NUP98: variants seen among roughly 807,000 people sequenced by gnomAD.
The protein encoded by NUP98 is nuclear pore complex protein Nup98-Nup96.
In NUP98, 26 loss-of-function variants were observed where a neutral mutation model predicts 191.9. The ratio of observed to expected loss-of-function variants is 0.14; its 90% CI spans 0.10 to 0.19. The LOEUF is 0.19. Among genes scored for constraint, NUP98 ranks in the 10% least tolerant of loss-of-function variants. The probability of loss-of-function intolerance (pLI) is 1.00; values close to 1 mark genes in which losing one functional copy is unlikely to be tolerated. For missense variants in NUP98, 1,941 were observed against 2,178.8 expected (o/e 0.89, Z 2.17); for synonymous variants, 808 against 778.4 (o/e 1.04, Z -0.63).
At position 3,679,619 on chromosome 11, in the gene NUP98, C is replaced by T. The variant is rs2077927328; in HGVS notation, c.5008G>A (p.Glu1670Lys). 1 of 1,614,186 alleles carries T rather than the reference C, an allele frequency of 6.2e-7. No homozygotes were observed. The highest frequency in any genetic ancestry group is 1.1e-5 in the South Asian group (1 of 91,088). The stretch of plus-strand genomic sequence containing the variant: ...TCCAGGTAAACAAGCCCAGATGTTT[C>T]CCAATCCTGAATTAGGCTGCTGCGC... Reference protein sequence around the residue: ...PERSSLIQDWETSGLVYLDYI... With the variant: ...PERSSLIQDWKTSGLVYLDYI... The change falls in exon 31 of 33, where the codon GAA (glutamate) becomes AAA (lysine). Residue 1670 changes from glutamate (E) to lysine (K), a missense_variant. Glu to Lys is a moderately conservative substitution (Grantham distance 56, BLOSUM62 1). Around this residue, in one of 6 missense-constraint regions of NUP98, gnomAD observed 1,030 missense variants for 1,115.8 expected, o/e 0.92. Transcript: ENST00000324932.
intron 31 of NUP98, among the ~76,000 whole-genome samples, chr11:3,678,102 C>T (rs2077874534): frequency 6.6e-6 from 1 of 150,480 alleles, no homozygotes; most frequent in South Asian, 2.1e-4. Flanking sequence ...TGTGCCACTG[C>T]CCTCCAGCCT....
chr11:3,733,594 G>C (rs1454228261), intron 13 of NUP98, among the ~76,000 whole-genome samples: 1 of 152,166 alleles, frequency 6.6e-6, no homozygotes, highest in African/African-American at 2.4e-5. Flanking sequence ...TTAAAGGCAT[G>C]AGCCACCATG....
chr11:3,756,298 TCTCA>T (rs2080956578), intron 10 of NUP98, among the ~76,000 whole-genome samples: 1 of 152,136 alleles, frequency 6.6e-6, no homozygotes, highest in African/African-American at 2.4e-5. Context: ...TTCCTCCGAT[TCTCA>T]CTGACAAGTT....
chr11:3,713,869 C>G lies in NUP98; in HGVS notation c.2526G>C (p.Gln842His). The G allele has an allele frequency of 6.2e-7, 1 of 1,614,168 alleles. No individual in the cohort carries two copies. Among genetic ancestry groups the G allele is most frequent in the Non-Finnish European group, 8.5e-7 (1 of 1,180,014 alleles). ...EGRLEAVSRK[Q>H]GAQFKEYRPE... ...GCCGGTATTCTTTGAATTGAGCTCC[C>G]TGTTTCCTTGAAACTGCTTCCAATC... The change falls in exon 19 of 33, where the codon CAG becomes CAC. Residue 842 changes from glutamine (Q) to histidine (H), a missense_variant. Gln to His is a conservative substitution (Grantham distance 24). Coordinates refer to ENST00000324932, the MANE Select transcript of NUP98 (RefSeq NM_016320.5).
At chr11:3,741,078 T>C (rs2080267823) in intron 12 of NUP98, among the ~76,000 whole-genome samples, 1 of 151,478 alleles carries the variant, frequency 6.6e-6, no homozygotes, top group Non-Finnish European at 1.5e-5. Flanking sequence ...TGCCTCAGCC[T>C]CCCAAAGTGC....
At chr11:3,724,789 A>AAAAAAAAAAAAAAAAAAAAAAAAG (rs1259105482) in intron 15 of NUP98, among the ~76,000 whole-genome samples, 8 of 150,362 alleles carry the variant, frequency 5.3e-5, no homozygotes, top group African/African-American at 2.0e-4. Context: ...TCAAAAAAAA[A>AAAAAAAAAAAAAAAAAAAAAAAAG]AAAGAAAGAA....
intron 25 of NUP98, 174 bp downstream of exon 25, chr11:3,698,908 T>G: frequency 1.4e-6 from 1 of 715,308 alleles, no homozygotes; most frequent in Non-Finnish European, 2.3e-6. Flanking sequence ...GATTAAAAGT[T>G]AAATTTTATG....
chr11:3,717,703 T>C (rs989387116), intron 18 of NUP98, among the ~76,000 whole-genome samples: 5 of 152,202 alleles, frequency 3.3e-5, no homozygotes, highest in African/African-American at 1.2e-4. Flanking sequence ...CTTGCAGTAG[T>C]ATATTTGGGA....
intron 12 of NUP98, among the ~76,000 whole-genome samples, chr11:3,740,327 A>G (rs2080235422): frequency 6.6e-6 from 1 of 152,152 alleles, no homozygotes; most frequent in Admixed American, 6.5e-5. Flanking sequence ...CCTAGCCAAT[A>G]TGGTGAAACC....
intron 11 of NUP98, among the ~76,000 whole-genome samples, chr11:3,751,381 C>T (rs2080744422): frequency 6.6e-6 from 1 of 151,806 alleles, no homozygotes; most frequent in Non-Finnish European, 1.5e-5. Context: ...AGAATATAAT[C>T]CTAAACCCTA....
At chr11:3,748,191 T>G (rs756972452) in intron 11 of NUP98, among the ~76,000 whole-genome samples, 1 of 152,204 alleles carries the variant, frequency 6.6e-6, no homozygotes, top group Non-Finnish European at 1.5e-5. Flanking sequence ...AAAAGAATTA[T>G]AGAGTCTTGG....
chr11:3,743,279 AGTACT>A (rs2080353487), intron 12 of NUP98, among the ~76,000 whole-genome samples: 1 of 151,002 alleles, frequency 6.6e-6, no homozygotes, highest in Admixed American at 6.6e-5. Flanking sequence ...GGCCTCCCAA[AGTACT>A]GGGATTATAG....
At chr11:3,678,018 G>A (rs2077872437) in intron 31 of NUP98, among the ~76,000 whole-genome samples, 1 of 152,004 alleles carries the variant, frequency 6.6e-6, no homozygotes, top group African/African-American at 2.4e-5. Context: ...GGTGGCACAC[G>A]CCTGTAATCC....
At chr11:3,742,759 G>A (rs2080332085) in intron 12 of NUP98, among the ~76,000 whole-genome samples, 1 of 150,204 alleles carries the variant, frequency 6.7e-6, no homozygotes, top group Non-Finnish European at 1.5e-5. Context: ...CATAGGGAAA[G>A]GTACTAATAT....
chr11:3,705,312 C>T lies in NUP98; in HGVS notation c.2970G>A (p.Met990Ile), dbSNP rs2078827361. The T allele has an allele frequency of 3.7e-6, 6 of 1,614,096 alleles. No individual in the cohort carries two copies. Among genetic ancestry groups the T allele is most frequent in the Non-Finnish European group, 5.1e-6 (6 of 1,180,004 alleles). ...SLLTDEEDVD[M>I]ALDQRFSRLP... Reference sequence around the variant, plus strand: ...GGCGACTGAAGCGTTGATCCAGTGCCATATCTACATCTTCTTCATCAGTAA... The same window carrying T: ...GGCGACTGAAGCGTTGATCCAGTGCTATATCTACATCTTCTTCATCAGTAA... The change falls in exon 22 of 33, where the codon ATG becomes ATA. Residue 990 changes from methionine (M) to isoleucine (I), a missense_variant. Around this residue, in one of 6 missense-constraint regions of NUP98, gnomAD observed 1,030 missense variants for 1,115.8 expected, o/e 0.92. Coordinates refer to ENST00000324932, the MANE Select transcript of NUP98 (RefSeq NM_016320.5).
At chr11:3,778,143 G>A (rs1397557651) in intron 4 of NUP98, among the ~76,000 whole-genome samples, 2 of 144,086 alleles carry the variant, frequency 1.4e-5, no homozygotes, top group Non-Finnish European at 3.0e-5. Context: ...AGCTCGCAAT[G>A]AGCCGAGATT....
intron 18 of NUP98, among the ~76,000 whole-genome samples, chr11:3,718,301 C>A (rs1316352204): frequency 6.6e-6 from 1 of 151,676 alleles, no homozygotes; most frequent in African/African-American, 2.4e-5. Context: ...TTTGGGAGGG[C>A]GAAGTGGGCA....
chr11:3,679,547 CA>C lies in NUP98; in HGVS notation c.5073+6del. ...AAATCAGGCAGCAGTTTCAGGATCT[CA>C]GGTACCTGCTGTATATGGCGGAGCA... is the stretch of plus-strand genomic sequence containing the variant. On this transcript the variant is annotated splice_donor_region_variant and intron_variant, in intron 31 of 32. Transcript: ENST00000324932. 6.2e-7 allele frequency: 1 copy of C among 1,614,080 alleles called. No individual in the cohort carries two copies. The highest frequency in any genetic ancestry group is 8.5e-7 in the Non-Finnish European group (1 of 1,179,994).
intron 28 of NUP98, among the ~76,000 whole-genome samples, chr11:3,687,065 G>C (rs529258248): frequency 6.6e-6 from 1 of 152,178 alleles, no homozygotes; most frequent in African/African-American, 2.4e-5. Context: ...AAGTAGCTGG[G>C]ACTACAGATG....
Sources: allele counts gnomAD v4.1 joint callset (sites outside exome capture counted in the v4.1 genomes callset), GRCh38; gene constraint gnomAD v4.1.1; regional missense constraint gnomAD v4.1.1; transcripts MANE v1.5; gene names NCBI Gene and HGNC (gene_info 2026-07-23, HGNC 2026-07-21).